THSD7A: variants seen among roughly 807,000 people sequenced by gnomAD.
THSD7A encodes thrombospondin type 1 domain containing 7A, also known as thrombospondin type-1 domain-containing protein 7A.
Under a neutral mutation model 231.3 loss-of-function variants are expected in THSD7A, and 96 were observed. That is an observed-to-expected ratio of 0.41 (90% CI 0.35 to 0.49). The LOEUF is 0.49. Ranked by LOEUF, THSD7A falls within the 20% of genes least tolerant of loss-of-function variation. The pLI is 0.05. For synonymous variants in THSD7A, 940 were observed against 743.3 expected, an observed-to-expected ratio of 1.26 and a Z score of -4.30; for missense variants, 2,290 against 2,070.2, an observed-to-expected ratio of 1.11 and a Z score of -2.06.
At chr7:11,799,824 T>C (rs1465130463) in intron 1 of THSD7A, among the ~76,000 whole-genome samples, 1 of 152,184 alleles carries the variant, frequency 6.6e-6, no homozygotes, top group East Asian at 1.9e-4. Flanking sequence ...TGAGAAGACA[T>C]TACAGAATGA....
chr7:11,477,545 T>G (rs1330467143), intron 7 of THSD7A, among the ~76,000 whole-genome samples: 1 of 152,190 alleles, frequency 6.6e-6, no homozygotes, highest in African/African-American at 2.4e-5. Context: ...CTTTATTTAT[T>G]TATATAATAT....
At chr7:11,697,280 C>G (rs1455568761) in intron 1 of THSD7A, among the ~76,000 whole-genome samples, 2 of 151,402 alleles carry the variant, frequency 1.3e-5, no homozygotes, top group South Asian at 2.1e-4. Flanking sequence ...AATAACCTCT[C>G]CACTTTACTC....
chr7:11,763,413 T>C (rs1214933478), intron 1 of THSD7A, among the ~76,000 whole-genome samples: 1 of 152,216 alleles, frequency 6.6e-6, no homozygotes, highest in Non-Finnish European at 1.5e-5. Flanking sequence ...TTTACATACA[T>C]CAAAATAGTT....
chr7:11,595,209 G>C (rs1780316593), intron 2 of THSD7A, among the ~76,000 whole-genome samples: 1 of 152,168 alleles, frequency 6.6e-6, no homozygotes, highest in South Asian at 2.1e-4. Flanking sequence ...CCTACAACTA[G>C]ACTAAAGTCC....
chr7:11,680,971 A>G (rs1410440430), intron 1 of THSD7A, among the ~76,000 whole-genome samples: 1 of 152,190 alleles, frequency 6.6e-6, no homozygotes, highest in Non-Finnish European at 1.5e-5. Context: ...TGAATGATAG[A>G]CTGCATAAAG....
At chr7:11,628,647 A>T (rs1309752840) in intron 2 of THSD7A, among the ~76,000 whole-genome samples, 1 of 152,066 alleles carries the variant, frequency 6.6e-6, no homozygotes, top group Non-Finnish European at 1.5e-5. Context: ...GATCCTTGAG[A>T]TTATGATCTT....
chr7:11,703,235 T>C (rs552557990), intron 1 of THSD7A, among the ~76,000 whole-genome samples: 172 of 151,338 alleles, frequency 1.1e-3, no homozygotes, highest in African/African-American at 4.0e-3. Flanking sequence ...AGAAAATATT[T>C]TTTTTCCCAA....
At chr7:11,575,281 C>T (rs1015698748) in intron 4 of THSD7A, among the ~76,000 whole-genome samples, 9 of 152,040 alleles carry the variant, frequency 5.9e-5, no homozygotes, top group East Asian at 1.9e-4. Context: ...AAAGAGATGG[C>T]GTTATTGTTA....
intron 1 of THSD7A, among the ~76,000 whole-genome samples, chr7:11,651,977 G>A (rs17165008): frequency 0.063 from 9,555 of 151,926 alleles, 336 homozygotes; most frequent in East Asian, 0.13. Flanking sequence ...AACATAAAAT[G>A]AAGTGAAGTT....
At chr7:11,754,891 A>G (rs1355965472) in intron 1 of THSD7A, among the ~76,000 whole-genome samples, 1 of 152,038 alleles carries the variant, frequency 6.6e-6, no homozygotes, top group Non-Finnish European at 1.5e-5. Flanking sequence ...ACTGACACCA[A>G]CAACACAAAT....
chr7:11,523,457 C>T (rs560977371), intron 6 of THSD7A, among the ~76,000 whole-genome samples: 10 of 151,928 alleles, frequency 6.6e-5, no homozygotes, highest in African/African-American at 9.6e-5. Flanking sequence ...GGGGGTACAC[C>T]GAACTCTGGA....
chr7:11,524,166 T>C (rs1430598206), intron 6 of THSD7A, among the ~76,000 whole-genome samples: 1 of 152,174 alleles, frequency 6.6e-6, no homozygotes, highest in Non-Finnish European at 1.5e-5. Flanking sequence ...TCTTCTTACA[T>C]GAATTGTACC....
At chr7:11,777,136 A>T (rs1783433688) in intron 1 of THSD7A, among the ~76,000 whole-genome samples, 1 of 152,290 alleles carries the variant, frequency 6.6e-6, no homozygotes, top group East Asian at 1.9e-4. Flanking sequence ...AAAGTATATA[A>T]ATTGCTCAGC....
At chr7:11,412,487 A>T (rs1783818990) in intron 18 of THSD7A, among the ~76,000 whole-genome samples, 169 bp downstream of exon 18, 1 of 152,208 alleles carries the variant, frequency 6.6e-6, no homozygotes, top group Non-Finnish European at 1.5e-5. Context: ...TACTAAAAAA[A>T]AAACCCAGAT....
chr7:11,405,011 A>G (rs1359607681), intron 22 of THSD7A, among the ~76,000 whole-genome samples: 1 of 152,140 alleles, frequency 6.6e-6, no homozygotes, highest in African/African-American at 2.4e-5. Context: ...CATGTGTGCA[A>G]AGATCAATAC....
At position 11,444,368 on chromosome 7, in the gene THSD7A, C is replaced by T. The variant is rs921458871; in HGVS notation, c.3064+1693G>A. 6.6e-6 allele frequency among the ~76,000 whole-genome samples: 1 copy of T among 152,074 alleles called. No individual in the cohort carries two copies. Among genetic ancestry groups the T allele is most frequent in the African/African-American group, 2.4e-5 (1 of 41,418 alleles). On this transcript the variant is annotated intron_variant, in intron 13 of 27. Coordinates refer to ENST00000423059, the MANE Select transcript of THSD7A (RefSeq NM_015204.3). The surrounding 1 kb of genome is among the most constrained non-coding windows in gnomAD (Gnocchi z 4.2). ...ATGCACACGTATGTTTACTGTGGCA[C>T]TGTTCACAATAGCAAAGACTCGGAA...
At chr7:11,809,032 G>T (rs970516148) in intron 1 of THSD7A, among the ~76,000 whole-genome samples, 1 of 152,048 alleles carries the variant, frequency 6.6e-6, no homozygotes, top group African/African-American at 2.4e-5. Flanking sequence ...TGAAAAACAT[G>T]ATATAAAATT....
intron 1 of THSD7A, among the ~76,000 whole-genome samples, chr7:11,800,674 GT>G (rs1320744816): frequency 5.9e-5 from 9 of 152,306 alleles, no homozygotes; most frequent in Admixed American, 3.3e-4. Context: ...GGTATCTAAA[GT>G]AGTCAAATTC....
chr7:11,590,714 T>A lies in THSD7A; in HGVS notation c.1272-73A>T. ...GTGTTTCTCTACTCCTGTCATACTT[T>A]GTTTTAACGAAAATTAGTCTCAAAA... is the stretch of plus-strand genomic sequence containing the variant. On this transcript the variant is annotated intron_variant, in intron 3 of 27. Transcript: ENST00000423059. The surrounding 1 kb of genome is among the most constrained non-coding windows in gnomAD (Gnocchi z 4.4). 6.8e-7 allele frequency: 1 copy of A among 1,464,564 alleles called. No individual in the cohort carries two copies. Among genetic ancestry groups the A allele is most frequent in the Non-Finnish European group, 9.1e-7 (1 of 1,098,324 alleles). 90.7% of individuals were successfully genotyped at this position (1,464,564 alleles called of 1,614,324 possible).
Sources: allele counts gnomAD v4.1 joint callset (sites outside exome capture counted in the v4.1 genomes callset), GRCh38; gene constraint gnomAD v4.1.1; non-coding constraint Gnocchi (gnomAD v3.1); transcripts MANE v1.5; gene names NCBI Gene and HGNC (gene_info 2026-07-23, HGNC 2026-07-21).